Variants in POLR1C observed in about 807,000 individuals in gnomAD.
POLR1C encodes DNA-directed RNA polymerases I and III subunit RPAC1.
In POLR1C, 42 loss-of-function variants were observed where a neutral mutation model predicts 38.3. That is an observed-to-expected ratio of 1.10 (90% CI 0.86 to 1.42). POLR1C has a LOEUF of 1.42. POLR1C is among the 40% of genes most tolerant of loss of function. POLR1C has a pLI of 0.00. For missense variants in POLR1C, 507 were observed against 450.5 expected (o/e 1.13, Z -1.14); for synonymous variants, 163 against 163.9 (o/e 0.99, Z 0.04).
chr6:43,554,760 G>A (rs73426776), intron 10 of POLR1C, among the ~76,000 whole-genome samples: 4 of 152,096 alleles, frequency 2.6e-5, no homozygotes, highest in Non-Finnish European at 5.9e-5. Flanking sequence ...TACATACAGC[G>A]TAGTCCTATT....
At chr6:43,527,502 G>T in intron 8 of POLR1C, 1 of 818,102 alleles carries the variant, frequency 1.2e-6, no homozygotes, top group Non-Finnish European at 2.0e-6. Context: ...TTGATCTTTT[G>T]ACCTCGCAAT....
intron 10 of POLR1C, among the ~76,000 whole-genome samples, chr6:43,552,620 T>TGG (rs1795302847): frequency 6.6e-6 from 1 of 152,240 alleles, no homozygotes; most frequent in Non-Finnish European, 1.5e-5. Context: ...CCCAAAGTGC[T>TGG]GCGATTACAG....
intron 9 of POLR1C, among the ~76,000 whole-genome samples, chr6:43,546,371 T>C (rs1212186872): frequency 2.0e-5 from 3 of 152,216 alleles, no homozygotes; most frequent in African/African-American, 7.2e-5. Flanking sequence ...TCCCCTTGGG[T>C]TCACATGGAA....
chr6:43,530,815 G>C, downstream of POLR1C: 1 of 1,612,036 alleles, frequency 6.2e-7, no homozygotes. Context: ...CCTTCCCTAG[G>C]ATATGAAAAC....
In POLR1C at chr6:43,520,784, TTGGGATGC is replaced by T; in HGVS notation, c.805+13_805+20del. 1 of 1,613,340 alleles carries T rather than the reference TTGGGATGC, an allele frequency of 6.2e-7. No homozygotes were observed. The highest frequency in any genetic ancestry group is 1.3e-5 in the African/African-American group (1 of 74,364). ...GTGCAGGAAGTCCAAGGTATGGTAT[TTGGGATGC>T]TGTTCAAGTTAGGACCTAAATTATA... On this transcript the variant is annotated intron_variant, in intron 7 of 8. Coordinates refer to ENST00000642195, the MANE Select transcript of POLR1C (RefSeq NM_203290.4).
chr6:43,520,003 A>C (rs913724338), intron 4 of POLR1C, 63 bp from the exon 5 acceptor site: 1 of 1,600,150 alleles, frequency 6.2e-7, no homozygotes, highest in Non-Finnish European at 8.5e-7. Context: ...CACGTAAAGC[A>C]TTCAGCATAG....
At chr6:43,550,485 C>G (rs1795175725) in intron 9 of POLR1C, among the ~76,000 whole-genome samples, 1 of 152,154 alleles carries the variant, frequency 6.6e-6, no homozygotes, top group African/African-American at 2.4e-5. Context: ...GTGGGGGCTT[C>G]TCATTTTTTT....
intron 9 of POLR1C, among the ~76,000 whole-genome samples, chr6:43,535,590 C>T (rs1468029523): frequency 2.0e-5 from 3 of 152,088 alleles, no homozygotes; most frequent in African/African-American, 7.2e-5. Flanking sequence ...CGCGGTGGAT[C>T]ACGAGGTCAG....
At chr6:43,561,732 AC>A (rs1762428179) in exon 11 of POLR1C, 1 of 153,242 alleles carries the variant, frequency 6.5e-6, no homozygotes, top group African/African-American at 2.4e-5. Context: ...TTAAACCACC[AC>A]AAAAAGATAT....
At chr6:43,524,719 G>A, downstream of POLR1C, 7 of 1,586,692 alleles carry the variant, frequency 4.4e-6, no homozygotes, top group Non-Finnish European at 6.0e-6. Flanking sequence ...ATTTCTCAGA[G>A]ATTGCACCAG....
chr6:43,548,664 G>GT (rs1354821790), intron 9 of POLR1C, among the ~76,000 whole-genome samples: 1 of 151,892 alleles, frequency 6.6e-6, no homozygotes, highest in Non-Finnish European at 1.5e-5. Context: ...CTTGTCTTGA[G>GT]TATTTGGATA....
chr6:43,522,470 TACA>T (rs2127694073), downstream of POLR1C: 1 of 170,640 alleles, frequency 5.9e-6, no homozygotes, highest in Non-Finnish European at 1.3e-5. Flanking sequence ...ATGCAATAAA[TACA>T]ACTACATCCT....
chr6:43,533,369 G>A (rs1338495897), downstream of POLR1C: 1 of 152,632 alleles, frequency 6.6e-6, no homozygotes, highest in Non-Finnish European at 1.5e-5. Flanking sequence ...AATTGAAGAA[G>A]GGGTTAACGG....
Position 43,538,923 on chromosome 6 carries a change from A to G in POLR1C, c.*4+9564A>G, listed in dbSNP as rs929286045. On this transcript the variant is annotated intron_variant, in intron 9 of 10. Coordinates refer to the POLR1C transcript ENST00000607635. ...AATTCCTGATAGGGAGACTTGGTAA[A>G]TACAGTCTCCTTCCAGAGGTCGGGG... The G allele has an allele frequency of 5.6e-6, 7 of 1,244,860 alleles. No homozygotes were observed. The African/African-American group carries it at 8.9e-5, about 16-fold the overall frequency. 77.1% of individuals were successfully genotyped at this position (1,244,860 alleles called of 1,614,324 possible).
intron 9 of POLR1C, chr6:43,539,247 C>T: frequency 3.7e-6 from 5 of 1,358,900 alleles, no homozygotes; most frequent in Non-Finnish European, 5.2e-6. Context: ...ATGATGGCCC[C>T]ACGGGTGGCG....
chr6:43,526,924 G>A (rs567908479), intron 8 of POLR1C: 21 of 629,032 alleles, frequency 3.3e-5, no homozygotes, highest in South Asian at 2.0e-4. Context: ...TCTGATGACC[G>A]AACTGTTTTG....
intron 10 of POLR1C, among the ~76,000 whole-genome samples, chr6:43,560,479 G>A (rs1316591645): frequency 6.6e-6 from 1 of 152,162 alleles, no homozygotes; most frequent in East Asian, 1.9e-4. Context: ...ATGTTAGTAA[G>A]ACAGGCTGTG....
chr6:43,553,804 C>G (rs1467201906), intron 10 of POLR1C: 4 of 238,370 alleles, frequency 1.7e-5, no homozygotes, highest in African/African-American at 9.0e-5. Context: ...TGAGAATACG[C>G]AGGTGAACAT....
intron 9 of POLR1C, among the ~76,000 whole-genome samples, chr6:43,547,974 A>G (rs531981902): frequency 7.9e-5 from 12 of 152,214 alleles, no homozygotes; most frequent in Non-Finnish European, 1.3e-4. Context: ...GTGAGCACAG[A>G]TAAGTGTCTG....
Sources: allele counts gnomAD v4.1 joint callset (sites outside exome capture counted in the v4.1 genomes callset), GRCh38; gene constraint gnomAD v4.1.1; transcripts MANE v1.5; gene names NCBI Gene and HGNC (gene_info 2026-07-23, HGNC 2026-07-21).